CENPW: variants seen among roughly 807,000 people sequenced by gnomAD.
CENPW encodes cancer-up-regulated gene 2 protein.
A neutral mutation model predicts 11.1 loss-of-function variants in CENPW; 3 were observed. The observed-to-expected ratio is 0.27, with a 90% CI of 0.12 to 0.70. The LOEUF (loss-of-function observed/expected upper bound fraction) is 0.70, where lower values mean the gene tolerates loss of function less well. Ranked by LOEUF, CENPW falls within the 30% of genes least tolerant of loss-of-function variation. The probability of loss-of-function intolerance (pLI) is 0.77; values close to 1 mark genes in which losing one functional copy is unlikely to be tolerated. For missense variants in CENPW, 100 were observed against 105.6 expected (o/e 0.95, Z 0.23); for synonymous variants, 38 against 42.0 (o/e 0.91, Z 0.37).
At chr6:126,410,074 T>G in the CENPW span, among the ~76,000 whole-genome samples, 1 of 152,046 alleles carries the variant, frequency 6.6e-6, no homozygotes, top group Non-Finnish European at 1.5e-5. Flanking sequence ...CTTTTGTGTA[T>G]CTGTTCTACC....
the CENPW span, among the ~76,000 whole-genome samples, chr6:126,391,821 C>T: frequency 1.4e-4 from 22 of 151,892 alleles, no homozygotes; most frequent in African/African-American, 4.3e-4. Flanking sequence ...TTTTGTTCCA[C>T]TGGCCCATAT....
At chr6:126,463,059 A>G in the CENPW span, among the ~76,000 whole-genome samples, 1 of 152,050 alleles carries the variant, frequency 6.6e-6, no homozygotes, top group African/African-American at 2.4e-5. Flanking sequence ...GATTAGGTAT[A>G]AAGTCTGGAA....
At chr6:126,431,724 C>T in the CENPW span, among the ~76,000 whole-genome samples, 2 of 152,062 alleles carry the variant, frequency 1.3e-5, no homozygotes, top group Admixed American at 1.3e-4. Context: ...CACGTTGTTT[C>T]ATGCCGCAGC....
At chr6:126,341,380 C>G (rs1251251778) in intron 1 of CENPW, among the ~76,000 whole-genome samples, 1 of 152,046 alleles carries the variant, frequency 6.6e-6, no homozygotes, top group Non-Finnish European at 1.5e-5. Flanking sequence ...TGTTCTTAAA[C>G]GACATTGGTT....
the CENPW span, among the ~76,000 whole-genome samples, chr6:126,414,142 G>A: frequency 6.6e-6 from 1 of 151,862 alleles, no homozygotes; most frequent in South Asian, 2.1e-4. Context: ...ATGTATGCAC[G>A]AAGCACCAGA....
the CENPW span, among the ~76,000 whole-genome samples, chr6:126,407,806 A>T: frequency 6.6e-6 from 1 of 152,088 alleles, no homozygotes; most frequent in Non-Finnish European, 1.5e-5. Flanking sequence ...AATTTGTTTA[A>T]GTTCCTTGTA....
chr6:126,344,034 A>T (rs581484), intron 1 of CENPW, among the ~76,000 whole-genome samples: 135,924 of 151,962 alleles, frequency 0.89, 61,054 homozygotes, highest in East Asian at 1. Context: ...TTAAAAAAAA[A>T]TTTTTTTGCC....
chr6:126,405,897 G>C, the CENPW span, among the ~76,000 whole-genome samples: 2 of 151,706 alleles, frequency 1.3e-5, no homozygotes. Context: ...TTTGTGGGGG[G>C]GGTCTTTAGA....
the CENPW span, among the ~76,000 whole-genome samples, chr6:126,456,599 C>T: frequency 2.0e-5 from 3 of 151,410 alleles, no homozygotes; most frequent in African/African-American, 7.3e-5. Flanking sequence ...CCATTAAAAT[C>T]CTGGAAGATA....
At chr6:126,358,445 T>C in the CENPW span, among the ~76,000 whole-genome samples, 13 of 152,240 alleles carry the variant, frequency 8.5e-5, no homozygotes, top group African/African-American at 3.1e-4. Context: ...GAAAGCTTTT[T>C]CTGCGTTCCA....
At chr6:126,443,936 A>T in the CENPW span, among the ~76,000 whole-genome samples, 1 of 151,170 alleles carries the variant, frequency 6.6e-6, no homozygotes, top group African/African-American at 2.4e-5. Flanking sequence ...GTCACTTAAA[A>T]TGCATATAAA....
At chr6:126,345,030 A>G (rs1332239892) in intron 1 of CENPW, among the ~76,000 whole-genome samples, 1 of 152,114 alleles carries the variant, frequency 6.6e-6, no homozygotes, top group Non-Finnish European at 1.5e-5. Flanking sequence ...AAGGATGGGG[A>G]AGATATGTGC....
At chr6:126,468,065 C>A in the CENPW span, among the ~76,000 whole-genome samples, 1 of 152,034 alleles carries the variant, frequency 6.6e-6, no homozygotes, top group African/African-American at 2.4e-5. Context: ...CAAGGACACT[C>A]AAAAAGAAGA....
At chr6:126,436,167 C>T in the CENPW span, among the ~76,000 whole-genome samples, 2 of 151,646 alleles carry the variant, frequency 1.3e-5, no homozygotes, top group Non-Finnish European at 3.0e-5. Flanking sequence ...CTATATTTTT[C>T]TCCCACCAAT....
the CENPW span, among the ~76,000 whole-genome samples, chr6:126,478,410 A>ATCTCTC: frequency 6.8e-6 from 1 of 146,804 alleles, no homozygotes; most frequent in African/African-American, 2.5e-5. Flanking sequence ...GTCTCTCTTT[A>ATCTCTC]TCTCTCTCTC....
At chr6:126,424,375 A>AT in the CENPW span, among the ~76,000 whole-genome samples, 1 of 152,080 alleles carries the variant, frequency 6.6e-6, no homozygotes, top group Admixed American at 6.6e-5. Flanking sequence ...ATTACTGCTC[A>AT]TTTTTTCCCA....
At chr6:126,375,522 G>A in the CENPW span, among the ~76,000 whole-genome samples, 1 of 152,146 alleles carries the variant, frequency 6.6e-6, no homozygotes, top group Non-Finnish European at 1.5e-5. Flanking sequence ...GAGTTGGTGA[G>A]AAGTTTGATG....
At chr6:126,468,840 G>A in the CENPW span, among the ~76,000 whole-genome samples, 2 of 152,120 alleles carry the variant, frequency 1.3e-5, no homozygotes. Context: ...TGGAGTCTCT[G>A]TCACCTAGGC....
the CENPW span, among the ~76,000 whole-genome samples, chr6:126,412,285 G>T: frequency 8.6e-4 from 131 of 151,806 alleles, no homozygotes; most frequent in Non-Finnish European, 1.7e-3. Context: ...ACCACAGCCT[G>T]CATTGGCTTC....
Sources: allele counts gnomAD v4.1 joint callset (sites outside exome capture counted in the v4.1 genomes callset), GRCh38; gene constraint gnomAD v4.1.1; transcripts MANE v1.5; gene names NCBI Gene and HGNC (gene_info 2026-07-23, HGNC 2026-07-21).